Variants in LIMCH1 observed in about 807,000 individuals in gnomAD.
LIMCH1 encodes the protein LIM and calponin homology domains-containing protein 1.
Under a neutral mutation model 176.5 loss-of-function variants are expected in LIMCH1, and 113 were observed. That is an observed-to-expected ratio of 0.64 (90% CI 0.55 to 0.75). The LOEUF (loss-of-function observed/expected upper bound fraction) is 0.75. Among genes scored for constraint, LIMCH1 ranks in the 30% least tolerant of loss-of-function variants. LIMCH1 has a pLI of 0.00. For missense variants in LIMCH1, 1,674 were observed against 1,814.9 expected (o/e 0.92, Z 1.41); for synonymous variants, 619 against 645.9 (o/e 0.96, Z 0.63).
chr4:41,623,702 A>G (rs933844142), intron 7 of LIMCH1, among the ~76,000 whole-genome samples: 1 of 152,198 alleles, frequency 6.6e-6, no homozygotes, highest in Non-Finnish European at 1.5e-5. Flanking sequence ...CAGAGGTTGC[A>G]GTGAGCCGAG....
At chr4:41,587,131 T>A (rs777633303) in intron 1 of LIMCH1, among the ~76,000 whole-genome samples, 10 of 152,178 alleles carry the variant, frequency 6.6e-5, no homozygotes, top group South Asian at 6.2e-4. Flanking sequence ...AAAACCAAAT[T>A]TGAAGAGTTT....
In LIMCH1 at chr4:41,620,596, A is replaced by C; in HGVS notation, c.631A>C (p.Lys211Gln). The change falls in exon 7 of 32, where the codon AAG becomes CAG. Residue 211 changes from lysine (K) to glutamine (Q), a missense_variant. This residue lies in a region of LIMCH1 where 655 missense variants were observed against 692.2 expected (regional missense o/e 0.95). Transcript: ENST00000503057. ...SDGAVVAPAP[K>Q]SEEKDAAEIQ... is the part of the protein sequence containing the mutation. ...CGGGGCTGTGGTGGCACCAGCTCCC[A>C]AGTCTGAAGAAAAAGATGCTGCTGA... 1 of 1,536,186 alleles carries C rather than the reference A, an allele frequency of 6.5e-7. No individual in the cohort carries two copies. Among genetic ancestry groups the C allele is most frequent in the East Asian group, 2.4e-5 (1 of 40,908 alleles).
intron 3 of LIMCH1, among the ~76,000 whole-genome samples, chr4:41,605,546 A>T (rs1341148180): frequency 3.3e-5 from 5 of 152,216 alleles, no homozygotes; most frequent in African/African-American, 1.2e-4. Flanking sequence ...CTGGATAAAG[A>T]TTCCAAAGCA....
chr4:41,541,886 T>C (rs1203199838), intron 1 of LIMCH1, among the ~76,000 whole-genome samples: 9 of 152,334 alleles, frequency 5.9e-5, no homozygotes, highest in Non-Finnish European at 1.2e-4. Flanking sequence ...CCTTGGCTAT[T>C]GTTGGCCCTT....
At chr4:41,437,746 A>T (rs11729647) in intron 1 of LIMCH1, among the ~76,000 whole-genome samples, 4 of 151,850 alleles carry the variant, frequency 2.6e-5, no homozygotes, top group South Asian at 2.1e-4. Context: ...TGTAAATTCA[A>T]TTTTTTCCCT....
intron 1 of LIMCH1, among the ~76,000 whole-genome samples, chr4:41,486,355 C>A (rs2069533306): frequency 1.3e-5 from 2 of 152,126 alleles, no homozygotes; most frequent in Admixed American, 1.3e-4. Context: ...CAGTCAGGAT[C>A]CAGGTGGCAC....
intron 1 of LIMCH1, among the ~76,000 whole-genome samples, chr4:41,373,575 C>G (rs1011618162): frequency 6.6e-6 from 1 of 152,244 alleles, no homozygotes; most frequent in Admixed American, 6.5e-5. Flanking sequence ...CAAATTCTGT[C>G]CTAAGCACCT....
intron 5 of LIMCH1, among the ~76,000 whole-genome samples, chr4:41,617,677 T>C (rs76331521): frequency 6.6e-6 from 1 of 152,316 alleles, no homozygotes; most frequent in East Asian, 1.9e-4. Flanking sequence ...TCTGCAACAA[T>C]GAACAACTTG....
At chr4:41,684,656 G>C in intron 27 of LIMCH1, 138 bp downstream of exon 27, 2 of 873,734 alleles carry the variant, frequency 2.3e-6, no homozygotes, top group South Asian at 5.3e-5. Flanking sequence ...CCAATATATA[G>C]TGAATAAACT....
chr4:41,390,177 C>T (rs1273673886), intron 1 of LIMCH1, among the ~76,000 whole-genome samples: 1 of 151,842 alleles, frequency 6.6e-6, no homozygotes, highest in Non-Finnish European at 1.5e-5. Context: ...CACTCCACTA[C>T]TTTCTGAAGC....
chr4:41,635,603 G>A (rs986422504), intron 13 of LIMCH1, among the ~76,000 whole-genome samples: 14 of 152,160 alleles, frequency 9.2e-5, no homozygotes, highest in African/African-American at 3.4e-4. Flanking sequence ...AGCACAGGGA[G>A]GAATGGTCAG....
At chr4:41,502,999 GTCCATCCATCCATCCA>G (rs751124176) in intron 2 of LIMCH1, among the ~76,000 whole-genome samples, 3 of 138,312 alleles carry the variant, frequency 2.2e-5, no homozygotes, top group Non-Finnish European at 3.1e-5. Context: ...TGGTCTGTCT[GTCCATCCATCCATCCA>G]TCCATCCATC....
intron 22 of LIMCH1, among the ~76,000 whole-genome samples, chr4:41,672,411 A>G (rs958182848): frequency 1.6e-4 from 24 of 152,206 alleles, no homozygotes; most frequent in Admixed American, 9.8e-4. Context: ...AAGAATTAGT[A>G]TTAAAACTGA....
chr4:41,620,756 A>G, intron 7 of LIMCH1, 66 bp downstream of exon 7: 1 of 1,445,728 alleles, frequency 6.9e-7, no homozygotes, highest in Non-Finnish European at 9.1e-7. Context: ...GAATCTGTCT[A>G]GAGAGTTGGA....
intron 1 of LIMCH1, among the ~76,000 whole-genome samples, chr4:41,402,215 C>T (rs57991595): frequency 0.023 from 3,481 of 152,144 alleles, 116 homozygotes; most frequent in African/African-American, 0.079. Context: ...AGCCAAAAGA[C>T]ACATGAAAAA....
intron 25 of LIMCH1, among the ~76,000 whole-genome samples, chr4:41,681,519 AC>A (rs945484296): frequency 1.3e-5 from 2 of 151,872 alleles, no homozygotes; most frequent in African/African-American, 4.8e-5. Context: ...ATTGCTTCTA[AC>A]CCCCCCACAT....
intron 2 of LIMCH1, among the ~76,000 whole-genome samples, chr4:41,502,437 C>T (rs1213729640): frequency 6.6e-6 from 1 of 152,052 alleles, no homozygotes; most frequent in East Asian, 1.9e-4. Flanking sequence ...GTAATGGGAT[C>T]GCTGGGTCAA....
intron 1 of LIMCH1, among the ~76,000 whole-genome samples, chr4:41,377,062 T>C (rs2054872122): frequency 1.3e-5 from 2 of 152,190 alleles, no homozygotes; most frequent in South Asian, 4.1e-4. Flanking sequence ...GACTTTCAGA[T>C]GTATGTACAA....
intron 1 of LIMCH1, among the ~76,000 whole-genome samples, chr4:41,467,154 T>TAC (rs1291076497): frequency 6.5e-5 from 6 of 92,844 alleles, no homozygotes; most frequent in South Asian, 3.7e-4. Flanking sequence ...TGTGTATGTA[T>TAC]ATATACACAC....
Sources: allele counts gnomAD v4.1 joint callset (sites outside exome capture counted in the v4.1 genomes callset), GRCh38; gene constraint gnomAD v4.1.1; regional missense constraint gnomAD v4.1.1; transcripts MANE v1.5; gene names NCBI Gene and HGNC (gene_info 2026-07-23, HGNC 2026-07-21).